The following KCNT2 variants were observed in gnomAD, a reference collection of about 807,000 sequenced individuals.
The protein encoded by KCNT2 is potassium sodium-activated channel subfamily T member 2.
A neutral mutation model predicts 153.8 loss-of-function variants in KCNT2; 67 were observed. That is an observed-to-expected ratio of 0.44 (90% CI 0.36 to 0.53). KCNT2 has a LOEUF of 0.53. Ranked by LOEUF, KCNT2 falls within the 20% of genes least tolerant of loss-of-function variation. The probability of loss-of-function intolerance (pLI) is 0.00; values close to 1 mark genes in which losing one functional copy is unlikely to be tolerated. For missense variants in KCNT2, 975 were observed against 1,354.8 expected, an observed-to-expected ratio of 0.72 and a Z score of 4.40; for synonymous variants, 500 against 458.8, an observed-to-expected ratio of 1.09 and a Z score of -1.15.
At chr1:196,539,708 T>A (rs911618036) in intron 1 of KCNT2, among the ~76,000 whole-genome samples, 1 of 152,068 alleles carries the variant, frequency 6.6e-6, no homozygotes, top group Non-Finnish European at 1.5e-5. Flanking sequence ...GATCTCAATA[T>A]TAGATTTTGC....
At chr1:196,423,488 G>A (rs1558272010) in intron 11 of KCNT2, among the ~76,000 whole-genome samples, 2 of 151,750 alleles carry the variant, frequency 1.3e-5, no homozygotes, top group South Asian at 4.2e-4. Flanking sequence ...ACTAAGAGGG[G>A]TGGAATACAG....
chr1:196,392,414 A>G (rs1036389674), intron 13 of KCNT2, among the ~76,000 whole-genome samples: 4 of 151,406 alleles, frequency 2.6e-5, no homozygotes, highest in African/African-American at 9.7e-5. Context: ...AATGTTTTAT[A>G]TTTTGAAAAT....
chr1:196,420,330 T>C (rs1432696721), intron 12 of KCNT2, among the ~76,000 whole-genome samples: 1 of 151,934 alleles, frequency 6.6e-6, no homozygotes, highest in Non-Finnish European at 1.5e-5. Flanking sequence ...CAGAACTATA[T>C]GGTATTGTTT....
intron 1 of KCNT2, among the ~76,000 whole-genome samples, chr1:196,518,478 TAAAAAAAA>T (rs35962682): frequency 7.9e-6 from 1 of 126,362 alleles, no homozygotes; most frequent in Non-Finnish European, 1.7e-5. Context: ...AAGCTGGATT[TAAAAAAAA>T]AAAAAAAAAA....
At chr1:196,370,144 T>C (rs921113108) in intron 14 of KCNT2, among the ~76,000 whole-genome samples, 2 of 152,088 alleles carry the variant, frequency 1.3e-5, no homozygotes, top group African/African-American at 4.8e-5. Flanking sequence ...AGTTCAACCA[T>C]TGTGGAAGAA....
intron 1 of KCNT2, among the ~76,000 whole-genome samples, chr1:196,548,308 C>G (rs1448973956): frequency 1.3e-5 from 2 of 151,534 alleles, no homozygotes; most frequent in Non-Finnish European, 1.5e-5. Context: ...AACAAATTTA[C>G]AAGAAAAAAA....
chr1:196,540,402 T>C (rs1346077501), intron 1 of KCNT2, among the ~76,000 whole-genome samples: 1 of 152,208 alleles, frequency 6.6e-6, no homozygotes, highest in Non-Finnish European at 1.5e-5. Flanking sequence ...TATCAAACTT[T>C]ATTTGCCAAT....
chr1:196,409,115 A>G (rs1219645326), intron 12 of KCNT2, among the ~76,000 whole-genome samples: 1 of 150,920 alleles, frequency 6.6e-6, no homozygotes, highest in African/African-American at 2.4e-5. Flanking sequence ...TCAATACAAA[A>G]TATTCCTCTT....
chr1:196,504,766 C>G (rs150461361), intron 1 of KCNT2, among the ~76,000 whole-genome samples: 1 of 152,050 alleles, frequency 6.6e-6, no homozygotes, highest in African/African-American at 2.4e-5. Context: ...GACTTTTTAA[C>G]GATTGCCATT....
chr1:196,263,972 C>T (rs1438556642), intron 25 of KCNT2, among the ~76,000 whole-genome samples: 1 of 151,896 alleles, frequency 6.6e-6, no homozygotes, highest in Non-Finnish European at 1.5e-5. Flanking sequence ...TTAATTCAAT[C>T]TCTACTTTCT....
intron 1 of KCNT2, among the ~76,000 whole-genome samples, chr1:196,503,764 G>T (rs1680889925): frequency 6.6e-6 from 1 of 152,140 alleles, no homozygotes. Flanking sequence ...ATGCAGTGAA[G>T]GAAGCACTTT....
At chr1:196,475,071 A>C (rs1357488722) in intron 5 of KCNT2, among the ~76,000 whole-genome samples, 1 of 152,200 alleles carries the variant, frequency 6.6e-6, no homozygotes, top group African/African-American at 2.4e-5. Context: ...GTCTAATTTC[A>C]AGAATTATAA....
At chr1:196,465,577 A>G (rs1301034628) in intron 7 of KCNT2, among the ~76,000 whole-genome samples, 190 bp from the exon 8 acceptor site, 1 of 151,870 alleles carries the variant, frequency 6.6e-6, no homozygotes, top group Non-Finnish European at 1.5e-5. Context: ...AACTTACTAA[A>G]GCTTGCATAG....
chr1:196,241,543 AT>A (rs1654961104), intron 26 of KCNT2, among the ~76,000 whole-genome samples: 1 of 152,076 alleles, frequency 6.6e-6, no homozygotes, highest in South Asian at 2.1e-4. Flanking sequence ...ACTGACCTCT[AT>A]TTAAAATTAT....
At chr1:196,590,865 C>T (rs2149000273) in intron 1 of KCNT2, among the ~76,000 whole-genome samples, 1 of 152,176 alleles carries the variant, frequency 6.6e-6, no homozygotes, top group South Asian at 2.1e-4. Context: ...GTGGCTCATG[C>T]CTGTAATCCC....
At chr1:196,385,772 A>ATATAT in intron 13 of KCNT2, among the ~76,000 whole-genome samples, 1 of 148,530 alleles carries the variant, frequency 6.7e-6, no homozygotes, top group South Asian at 2.1e-4. Flanking sequence ...GCATTAAAAA[A>ATATAT]ATATATATAT....
intron 1 of KCNT2, among the ~76,000 whole-genome samples, chr1:196,548,355 A>T (rs1196869987): frequency 2.0e-5 from 3 of 152,074 alleles, no homozygotes; most frequent in Non-Finnish European, 4.4e-5. Context: ...AAGGACATGA[A>T]CAGACACTTC....
At chr1:196,306,664 G>C (rs1374593028) in intron 21 of KCNT2, among the ~76,000 whole-genome samples, 1 of 151,746 alleles carries the variant, frequency 6.6e-6, no homozygotes, top group Non-Finnish European at 1.5e-5. Flanking sequence ...TTTACATTGG[G>C]CTTTAGTCAC....
At chr1:196,313,478 T>A (rs1286184653) in intron 21 of KCNT2, among the ~76,000 whole-genome samples, 1 of 151,530 alleles carries the variant, frequency 6.6e-6, no homozygotes, top group African/African-American at 2.4e-5. Context: ...CTCCAAGGAA[T>A]GCAGAAGAGT....
Sources: allele counts gnomAD v4.1 joint callset (sites outside exome capture counted in the v4.1 genomes callset), GRCh38; gene constraint gnomAD v4.1.1; transcripts MANE v1.5; gene names NCBI Gene and HGNC (gene_info 2026-07-23, HGNC 2026-07-21).